The following HDAC9 variants were observed in gnomAD, a reference collection of about 807,000 sequenced individuals.
The protein encoded by HDAC9 is histone deacetylase 9, also known as MEF-2 interacting transcription repressor (MITR) protein.
Under a neutral mutation model 139.4 loss-of-function variants are expected in HDAC9, and 41 were observed. The ratio of observed to expected loss-of-function variants is 0.29; its 90% CI spans 0.23 to 0.38. HDAC9 has a LOEUF of 0.38. HDAC9 is among the 10% of genes least tolerant of loss of function. The pLI, the probability that HDAC9 is intolerant of heterozygous loss-of-function variation, is 1.00. For missense variants in HDAC9, 1,147 were observed against 1,297.0 expected, an observed-to-expected ratio of 0.88 and a Z score of 1.78; for synonymous variants, 517 against 476.2, an observed-to-expected ratio of 1.09 and a Z score of -1.12.
intron 2 of HDAC9, among the ~76,000 whole-genome samples, chr7:18,540,688 A>T (rs1353897073): frequency 6.6e-6 from 1 of 152,232 alleles, no homozygotes; most frequent in Non-Finnish European, 1.5e-5. Context: ...CCTTGGATGT[A>T]TAAAGAATTT....
intron 16 of HDAC9, among the ~76,000 whole-genome samples, chr7:18,780,618 G>A (rs923670814): frequency 1.3e-5 from 2 of 152,038 alleles, no homozygotes; most frequent in African/African-American, 2.4e-5. Flanking sequence ...GAGAGAAGCA[G>A]TCATCACTAC....
At chr7:18,608,563 AT>A (rs2062665113) in intron 6 of HDAC9, among the ~76,000 whole-genome samples, 1 of 152,112 alleles carries the variant, frequency 6.6e-6, no homozygotes, top group Admixed American at 6.6e-5. Flanking sequence ...CACTTCCCTT[AT>A]CTGTATTCTC....
intron 1 of HDAC9, among the ~76,000 whole-genome samples, chr7:18,113,200 G>C (rs1783744101): frequency 6.6e-6 from 1 of 152,008 alleles, no homozygotes; most frequent in Non-Finnish European, 1.5e-5. Context: ...GAAGGATGAG[G>C]TCAGGAAAAG....
intron 8 of HDAC9, among the ~76,000 whole-genome samples, chr7:18,638,072 T>TA (rs902154920): frequency 2.6e-5 from 4 of 152,170 alleles, no homozygotes; most frequent in Non-Finnish European, 2.9e-5. Flanking sequence ...TATTGCACTC[T>TA]AAAAAAATGG....
intron 1 of HDAC9, among the ~76,000 whole-genome samples, chr7:18,457,000 G>T (rs73060384): frequency 1.3e-5 from 2 of 152,102 alleles, no homozygotes; most frequent in African/African-American, 4.8e-5. Context: ...GCTACAAATT[G>T]TGTTGTCCTC....
chr7:18,963,891 G>A (rs1359750798), intron 24 of HDAC9, among the ~76,000 whole-genome samples: 1 of 151,982 alleles, frequency 6.6e-6, no homozygotes, highest in Non-Finnish European at 1.5e-5. Context: ...CTCATTCATT[G>A]CCCTTTCCTG....
intron 1 of HDAC9, among the ~76,000 whole-genome samples, chr7:18,452,024 G>A (rs1046453455): frequency 6.6e-6 from 1 of 152,100 alleles, no homozygotes; most frequent in Admixed American, 6.6e-5. Flanking sequence ...TAAAGTATTA[G>A]GTCTCAAGTA....
chr7:18,134,391 T>A (rs761775087), intron 1 of HDAC9, among the ~76,000 whole-genome samples: 1 of 152,112 alleles, frequency 6.6e-6, no homozygotes, highest in Admixed American at 6.6e-5. Flanking sequence ...CCTCTATAAC[T>A]CTGATAGATC....
chr7:18,236,759 G>A (rs892050104), intron 2 of HDAC9, among the ~76,000 whole-genome samples: 3 of 152,048 alleles, frequency 2.0e-5, no homozygotes, highest in African/African-American at 4.8e-5. Flanking sequence ...GGGTGGGGGC[G>A]ACAAAGCTTT....
intron 1 of HDAC9, among the ~76,000 whole-genome samples, chr7:18,429,561 GTGTC>G (rs1462409603): frequency 0.016 from 2,421 of 150,928 alleles, 55 homozygotes; most frequent in African/African-American, 0.055. Context: ...GTGTGTGTGT[GTGTC>G]TGTGTGTGTG....
chr7:18,983,296 C>G (rs1194243104), intron 25 of HDAC9, among the ~76,000 whole-genome samples: 2 of 152,144 alleles, frequency 1.3e-5, no homozygotes, highest in African/African-American at 4.8e-5. Flanking sequence ...TTTTTTAAGG[C>G]TGAATAATAT....
chr7:18,998,312 C>A lies in HDAC9; in HGVS notation c.*2250C>A, dbSNP rs1786577612. 2 of 152,184 alleles carry A rather than the reference C, an allele frequency of 1.3e-5. No homozygotes were observed. The highest frequency in any genetic ancestry group is 2.9e-5 in the Non-Finnish European group (2 of 68,022). The allele number at this position is 152,184 out of a possible 1,614,324, so 9.4% of individuals were successfully genotyped here. A position where few individuals can be genotyped will look rare whatever the true frequency, so the allele number is the denominator to read the frequency against. ...AAAGTTTCCTACAACAGTTTAGCCA[C>A]ATGTTTATGCCAAGCCATTAATCTG... On this transcript the variant is annotated 3_prime_UTR_variant, in exon 26 of 26. Coordinates refer to ENST00000686413, the MANE Select transcript of HDAC9 (RefSeq NM_178425.4).
intron 1 of HDAC9, among the ~76,000 whole-genome samples, chr7:18,330,783 G>A (rs1800859850): frequency 6.6e-6 from 1 of 151,670 alleles, no homozygotes; most frequent in Non-Finnish European, 1.5e-5. Flanking sequence ...ACACTGGCAG[G>A]TGCCTTGGTA....
intron 1 of HDAC9, among the ~76,000 whole-genome samples, chr7:18,098,263 C>A (rs970574697): frequency 9.9e-5 from 15 of 152,202 alleles, no homozygotes; most frequent in African/African-American, 3.6e-4. Flanking sequence ...TGGAGCAAGA[C>A]TTCTAAGTTA....
At position 18,804,508 on chromosome 7, in the gene HDAC9, G is replaced by A. The variant is rs1585066671; in HGVS notation, c.2322+11056G>A. 3.3e-5 allele frequency among the ~76,000 whole-genome samples: 5 copies of A among 152,246 alleles called. No individual in the cohort carries two copies. In the South Asian group the frequency reaches 1.0e-3, roughly 32 times the overall value. ...TAAGTGCTGATTGTGAATAAGGAAAGCTGCATTGCATTTCATATACATTTT... is the reference window on the plus strand; with the variant it reads ...TAAGTGCTGATTGTGAATAAGGAAAACTGCATTGCATTTCATATACATTTT... On this transcript the variant is annotated intron_variant, in intron 17 of 25. Coordinates refer to ENST00000686413, the MANE Select transcript of HDAC9 (RefSeq NM_178425.4).
At chr7:18,846,668 C>A (rs972261368) in intron 21 of HDAC9, among the ~76,000 whole-genome samples, 1 of 152,158 alleles carries the variant, frequency 6.6e-6, no homozygotes, top group African/African-American at 2.4e-5. Flanking sequence ...AAATAAATTA[C>A]TGCATGTATT....
At chr7:18,512,193 T>C (rs1480138944) in intron 2 of HDAC9, among the ~76,000 whole-genome samples, 1 of 152,170 alleles carries the variant, frequency 6.6e-6, no homozygotes, top group African/African-American at 2.4e-5. Flanking sequence ...AAAATTAAAA[T>C]ACATTCTCTT....
intron 1 of HDAC9, among the ~76,000 whole-genome samples, chr7:18,356,965 G>A (rs1783359785): frequency 6.6e-6 from 1 of 152,038 alleles, no homozygotes; most frequent in Admixed American, 6.6e-5. Flanking sequence ...CAACAAATAA[G>A]GGTTGGAAAG....
chr7:18,833,011 C>T (rs184033494), intron 19 of HDAC9, among the ~76,000 whole-genome samples: 5 of 152,242 alleles, frequency 3.3e-5, no homozygotes, highest in African/African-American at 1.2e-4. Context: ...GCTGGGATTA[C>T]AGGCATGAGT....
Sources: allele counts gnomAD v4.1 joint callset (sites outside exome capture counted in the v4.1 genomes callset), GRCh38; gene constraint gnomAD v4.1.1; transcripts MANE v1.5; gene names NCBI Gene and HGNC (gene_info 2026-07-23, HGNC 2026-07-21).